The following DOT1L variants were observed in gnomAD, a reference collection of about 807,000 sequenced individuals.
The protein encoded by DOT1L is DOT1 like histone lysine methyltransferase.
DOT1L carries 33 observed loss-of-function variants against 153.3 expected under a neutral mutation model. That is an observed-to-expected ratio of 0.22 (90% CI 0.16 to 0.29). The LOEUF is 0.29. Ranked by LOEUF, DOT1L falls within the 10% of genes least tolerant of loss-of-function variation. DOT1L has a pLI of 1.00. For synonymous variants in DOT1L, 1,135 were observed against 965.1 expected (o/e 1.18, Z -3.26); for missense variants, 1,847 against 2,119.9 (o/e 0.87, Z 2.53).
At chr19:2,209,712 C>T (rs1322020426) in intron 12 of DOT1L, among the ~76,000 whole-genome samples, 3 of 152,256 alleles carry the variant, frequency 2.0e-5, no homozygotes, top group African/African-American at 4.8e-5. Context: ...TTTGTCCGGG[C>T]GTCCTTTCCT....
intron 3 of DOT1L, 92 bp downstream of exon 3, chr19:2,186,021 AGAT>A (rs1198419153): frequency 7.5e-6 from 9 of 1,205,172 alleles, no homozygotes; most frequent in Middle Eastern, 3.8e-4. Context: ...AGCTCTTCTT[AGAT>A]GGTGCAAGCT....
chr19:2,198,373 C>G (rs983520300), intron 7 of DOT1L, among the ~76,000 whole-genome samples: 2 of 152,232 alleles, frequency 1.3e-5, no homozygotes, highest in African/African-American at 4.8e-5. Flanking sequence ...CTCCTCCCCT[C>G]CTGGGGGCTT....
chr19:2,164,326 A>G, intron 1 of DOT1L, 61 bp downstream of exon 1: 4 of 1,168,888 alleles, frequency 3.4e-6, no homozygotes, highest in Non-Finnish European at 4.3e-6. Flanking sequence ...GCCCCTGGGG[A>G]CACCCCAAAC....
At chr19:2,200,005 C>A in intron 8 of DOT1L, 66 bp downstream of exon 8, 1 of 1,583,590 alleles carries the variant, frequency 6.3e-7, no homozygotes, top group Non-Finnish European at 8.6e-7. Context: ...GTGGCCATGG[C>A]ACCGGGGACC....
At chr19:2,187,830 G>A (rs764627642) in intron 3 of DOT1L, among the ~76,000 whole-genome samples, 2 of 151,614 alleles carry the variant, frequency 1.3e-5, no homozygotes, top group Non-Finnish European at 2.9e-5. Context: ...GCTGAGGCAG[G>A]AGAATGGTGT....
chr19:2,217,194 G>A lies in DOT1L; in HGVS notation c.2544+104G>A. On this transcript the variant is annotated intron_variant, in intron 21 of 27. Transcript: ENST00000398665. This position sits in a 1 kb window ranked among gnomAD's most constrained non-coding sequence, Gnocchi z 7.3. ...TTGTCCTAGTTGACCTTGGGGCACG[G>A]TGAGGTACTGGGGCTGACCTGGAGT... 3 of 1,422,624 alleles carry A rather than the reference G, an allele frequency of 2.1e-6. No individual in the cohort carries two copies. Among genetic ancestry groups the A allele is most frequent in the Non-Finnish European group, 2.8e-6 (3 of 1,082,010 alleles). The allele number at this position is 1,422,624 out of a possible 1,614,324, so 88.1% of individuals were successfully genotyped here.
rs111785160 is a variant in DOT1L, at chr19:2,191,797, A to T, written c.493+557A>T. Among the ~76,000 whole-genome samples the T allele has an allele frequency of 2.6e-5, 4 of 151,886 alleles. No individual in the cohort carries two copies. Among genetic ancestry groups the T allele is most frequent in the African/African-American group, 9.7e-5 (4 of 41,326 alleles). On this transcript the variant is annotated intron_variant, in intron 5 of 27. Transcript: ENST00000398665. The surrounding 1 kb of genome is among the most constrained non-coding windows in gnomAD (Gnocchi z 6.8). ...CTGCCCCTCCCAGGTTGGGGCTCCC[A>T]CCTGCTGGCATTCTTTCAGCCTCTG...
chr19:2,221,737 T>G, intron 23 of DOT1L: 1 of 514,926 alleles, frequency 1.9e-6, no homozygotes, highest in South Asian at 3.5e-5. Context: ...AGCCGGGACC[T>G]GCAGGGCACA....
chr19:2,224,613 C>T (rs2024254899), intron 25 of DOT1L, among the ~76,000 whole-genome samples: 1 of 152,024 alleles, frequency 6.6e-6, no homozygotes, highest in East Asian at 1.9e-4. Flanking sequence ...TCTACAGGCA[C>T]ACGCTACCAC....
intron 1 of DOT1L, among the ~76,000 whole-genome samples, chr19:2,164,794 G>A (rs2019846858): frequency 6.6e-6 from 1 of 152,136 alleles, no homozygotes; most frequent in Non-Finnish European, 1.5e-5. Context: ...TCTGACCTTT[G>A]GAAATGGGGA....
rs1393143572 is a variant in DOT1L at position 2,165,617 on chromosome 19, C to A, written c.81+1352C>A. Among the ~76,000 whole-genome samples, 10 of 152,370 alleles carry A rather than the reference C, an allele frequency of 6.6e-5. No individual in the cohort carries two copies. The East Asian group carries it at 1.9e-3, about 29-fold the overall frequency. ...GTTTCCTCCCTCGAAAGTTCAAACT[C>A]CAGAACCCTTCCAGCCTCCACTTCT... is the stretch of plus-strand genomic sequence containing the variant. On this transcript the variant is annotated intron_variant, in intron 1 of 27. Transcript: ENST00000398665.
chr19:2,185,080 A>G (rs1016937183), intron 2 of DOT1L, among the ~76,000 whole-genome samples: 1 of 152,034 alleles, frequency 6.6e-6, no homozygotes, highest in Non-Finnish European at 1.5e-5. Context: ...TGTATTTTGT[A>G]TTTTTAGTAG....
chr19:2,226,528 C>T lies in DOT1L; in HGVS notation c.4007C>T (p.Ser1336Phe), dbSNP rs760898069. 1.2e-6 allele frequency: 2 copies of T among 1,600,820 alleles called. No homozygotes were observed. Among genetic ancestry groups the T allele is most frequent in the South Asian group, 1.1e-5 (1 of 90,926 alleles). ...TTACACAGCTTCAGTGATGGTGCTT[C>T]TCTTCCCCACAAGGGCCCCGAGGCG... ...LSLHSFSDGA[S>F]LPHKGPEAAG... is the part of the protein sequence containing the mutation. The change falls in exon 27 of 28, where the codon TCT becomes TTT. Residue 1336 changes from serine (S) to phenylalanine (F), a missense_variant. Around this residue, in one of 8 missense-constraint regions of DOT1L, gnomAD observed 934 missense variants for 825.3 expected, o/e 1.13. Coordinates refer to ENST00000398665, the MANE Select transcript of DOT1L (RefSeq NM_032482.3).
intron 27 of DOT1L, chr19:2,229,058 C>T (rs148464260): frequency 3.2e-5 from 32 of 985,448 alleles, no homozygotes; most frequent in African/African-American, 7.0e-5. Flanking sequence ...GGCCCACAGC[C>T]GAGGGGCTTT....
intron 9 of DOT1L, among the ~76,000 whole-genome samples, chr19:2,206,328 G>C (rs763990935): frequency 5.3e-5 from 8 of 151,916 alleles, no homozygotes; most frequent in Non-Finnish European, 1.2e-4. Flanking sequence ...GAGGTTGGGC[G>C]TGGTGGCTCA....
rs2022701698 is a variant in DOT1L, at chr19:2,189,649, C to T, written c.201-83C>T. 3.3e-6 allele frequency: 5 copies of T among 1,516,496 alleles called. No homozygotes were observed. In the Admixed American group the frequency reaches 8.7e-5, roughly 26 times the overall value. 93.9% of individuals were successfully genotyped at this position (1,516,496 alleles called of 1,614,324 possible). ...CCAGGCAGGGACCACACCTTGGAGC[C>T]TGCCTTATCCACATGCTGTCCCCTC... On this transcript the variant is annotated intron_variant, in intron 3 of 27. Transcript: ENST00000398665.
At chr19:2,169,521 ACTCGCTCTGT>A (rs1429163521) in intron 1 of DOT1L, among the ~76,000 whole-genome samples, 1 of 151,692 alleles carries the variant, frequency 6.6e-6, no homozygotes, top group Non-Finnish European at 1.5e-5. Flanking sequence ...TTTGAGACGG[ACTCGCTCTGT>A]CTCCCAGGCT....
chr19:2,181,050 C>T (rs538726844), intron 2 of DOT1L, among the ~76,000 whole-genome samples: 3 of 152,198 alleles, frequency 2.0e-5, no homozygotes, highest in Non-Finnish European at 4.4e-5. Flanking sequence ...TTTGGGCCGA[C>T]CTTCACCCTC....
At chr19:2,177,239 C>G (rs575144457) in intron 1 of DOT1L, among the ~76,000 whole-genome samples, 1 of 152,290 alleles carries the variant, frequency 6.6e-6, no homozygotes, top group African/African-American at 2.4e-5. Context: ...ACAGAACATA[C>G]AGGAAACGAC....
Sources: allele counts gnomAD v4.1 joint callset (sites outside exome capture counted in the v4.1 genomes callset), GRCh38; gene constraint gnomAD v4.1.1; regional missense constraint gnomAD v4.1.1; non-coding constraint Gnocchi (gnomAD v3.1); transcripts MANE v1.5; gene names NCBI Gene and HGNC (gene_info 2026-07-23, HGNC 2026-07-21).